The following MYO16 variants were observed in gnomAD, a reference collection of about 807,000 sequenced individuals.
MYO16 encodes the protein myosin XVI.
In MYO16, 94 loss-of-function variants were observed where a neutral mutation model predicts 205.3. That is an observed-to-expected ratio of 0.46 (90% CI 0.39 to 0.54). MYO16 has a LOEUF of 0.54. Among genes scored for constraint, MYO16 ranks in the 20% least tolerant of loss-of-function variants. The probability of loss-of-function intolerance (pLI) is 0.00; values close to 1 mark genes in which losing one functional copy is unlikely to be tolerated. For synonymous variants in MYO16, 988 were observed against 954.0 expected (o/e 1.04, Z -0.66); for missense variants, 2,315 against 2,387.5 (o/e 0.97, Z 0.63).
At chr13:108,849,729 TC>T in intron 10 of MYO16, among the ~76,000 whole-genome samples, 1 of 149,998 alleles carries the variant, frequency 6.7e-6, no homozygotes, top group African/African-American at 2.5e-5. Flanking sequence ...TTGAATTTCC[TC>T]TTTTTTTTTT....
chr13:108,821,165 T>A (rs1875950243), intron 8 of MYO16, among the ~76,000 whole-genome samples: 1 of 152,112 alleles, frequency 6.6e-6, no homozygotes, highest in South Asian at 2.1e-4. Flanking sequence ...AATACATTAT[T>A]CCTCTTGCTA....
chr13:108,838,791 C>CACACACACA (rs1555304234), intron 9 of MYO16, among the ~76,000 whole-genome samples: 1 of 148,574 alleles, frequency 6.7e-6, no homozygotes, highest in South Asian at 2.2e-4. Context: ...CACACACACA[C>CACACACACA]CATAACAACT....
chr13:109,096,033 T>C (rs542142101), intron 27 of MYO16, among the ~76,000 whole-genome samples: 4 of 152,346 alleles, frequency 2.6e-5, no homozygotes, highest in Non-Finnish European at 4.4e-5. Flanking sequence ...TGGAGTTAGA[T>C]TGTCCTGGGT....
intron 28 of MYO16, among the ~76,000 whole-genome samples, chr13:109,112,113 T>TA (rs1889306096): frequency 6.6e-6 from 1 of 152,232 alleles, no homozygotes; most frequent in Non-Finnish European, 1.5e-5. Context: ...AAGGTTCACA[T>TA]TGGTTTTCTG....
chr13:108,655,620 C>T (rs1402767789), intron 1 of MYO16, among the ~76,000 whole-genome samples: 3 of 152,124 alleles, frequency 2.0e-5, no homozygotes, highest in Admixed American at 1.3e-4. Context: ...CGACAGCTTG[C>T]ACCACACACC....
At chr13:108,603,897 A>C (rs1252893494) in intron 1 of MYO16, among the ~76,000 whole-genome samples, 1 of 152,208 alleles carries the variant, frequency 6.6e-6, no homozygotes, top group Non-Finnish European at 1.5e-5. Flanking sequence ...TGCCTGTATT[A>C]GTCTGCTATT....
chr13:108,556,995 C>A, the MYO16 span, among the ~76,000 whole-genome samples: 5 of 152,074 alleles, frequency 3.3e-5, no homozygotes, highest in Non-Finnish European at 5.9e-5. Context: ...GCCTATGCAT[C>A]TGTTTTTATG....
the MYO16 span, among the ~76,000 whole-genome samples, chr13:108,498,871 G>A: frequency 6.6e-6 from 1 of 152,098 alleles, no homozygotes; most frequent in Non-Finnish European, 1.5e-5. Flanking sequence ...CTAGATGTAG[G>A]GAGGCACACC....
At chr13:108,864,012 G>A (rs1878583458) in intron 11 of MYO16, among the ~76,000 whole-genome samples, 1 of 152,078 alleles carries the variant, frequency 6.6e-6, no homozygotes, top group Non-Finnish European at 1.5e-5. Context: ...CATACAATCT[G>A]TCTTGATGTC....
chr13:109,104,978 A>G (rs1230100656), intron 28 of MYO16, among the ~76,000 whole-genome samples: 1 of 152,072 alleles, frequency 6.6e-6, no homozygotes, highest in African/African-American at 2.4e-5. Context: ...CATGCTGTTC[A>G]CCACCTTTCC....
chr13:108,745,913 C>G (rs570496355), intron 4 of MYO16, among the ~76,000 whole-genome samples: 3 of 152,104 alleles, frequency 2.0e-5, no homozygotes, highest in Non-Finnish European at 4.4e-5. Context: ...TGCAGCCGGG[C>G]GCGGTGGCTC....
chr13:108,863,221 C>T (rs572504041), intron 11 of MYO16, among the ~76,000 whole-genome samples: 4 of 152,048 alleles, frequency 2.6e-5, no homozygotes, highest in Admixed American at 6.6e-5. Flanking sequence ...TGAGATAGAA[C>T]TTCACTAAAA....
chr13:108,726,643 G>A (rs1370494767), intron 3 of MYO16, among the ~76,000 whole-genome samples: 1 of 151,866 alleles, frequency 6.6e-6, no homozygotes, highest in African/African-American at 2.4e-5. Context: ...TAAATATCTG[G>A]GACTTTTCAA....
intron 16 of MYO16, among the ~76,000 whole-genome samples, chr13:108,936,111 TC>T (rs1882469924): frequency 6.9e-6 from 1 of 145,478 alleles, no homozygotes; most frequent in South Asian, 2.2e-4. Flanking sequence ...CTTCCTTCCT[TC>T]CTTCCTTCCT....
At chr13:108,976,063 A>G (rs531847913) in intron 20 of MYO16, among the ~76,000 whole-genome samples, 1 of 152,312 alleles carries the variant, frequency 6.6e-6, no homozygotes, top group East Asian at 1.9e-4. Context: ...TGAGGATGAA[A>G]TAAGTTTAAA....
the MYO16 span, among the ~76,000 whole-genome samples, chr13:108,543,493 T>G: frequency 1.3e-5 from 2 of 151,228 alleles, no homozygotes; most frequent in East Asian, 3.9e-4. Flanking sequence ...AAATAAAAAC[T>G]TAGCCGGGCG....
At chr13:109,175,970 T>A (rs1185073399) in intron 33 of MYO16, among the ~76,000 whole-genome samples, 1 of 152,134 alleles carries the variant, frequency 6.6e-6, no homozygotes, top group African/African-American at 2.4e-5. Context: ...AAAAAAGTTC[T>A]TGTCAGTTAA....
intron 20 of MYO16, among the ~76,000 whole-genome samples, chr13:108,975,126 C>A (rs1426951520): frequency 6.6e-6 from 1 of 151,662 alleles, no homozygotes; most frequent in Admixed American, 6.6e-5. Context: ...CCTTGGTATG[C>A]TTGCTAAGTA....
chr13:109,090,887 C>G (rs917782299), intron 27 of MYO16, among the ~76,000 whole-genome samples: 2 of 152,132 alleles, frequency 1.3e-5, no homozygotes, highest in Non-Finnish European at 2.9e-5. Context: ...CTTCCCGGCT[C>G]TCCACATTGA....
Sources: gnomAD v4.1 joint callset for allele counts (sites outside exome capture counted in the v4.1 genomes callset) on GRCh38, gnomAD v4.1.1 for gene constraint, MANE v1.5 for transcripts, NCBI Gene and HGNC (gene_info 2026-07-23, HGNC 2026-07-21) for gene names.